UNC5D: variants seen among roughly 807,000 people sequenced by gnomAD.
The protein encoded by UNC5D is unc-5 netrin receptor D.
A neutral mutation model predicts 105.4 loss-of-function variants in UNC5D; 39 were observed. The ratio of observed to expected loss-of-function variants is 0.37; its 90% CI spans 0.29 to 0.48. The LOEUF (loss-of-function observed/expected upper bound fraction) is 0.48, where lower values mean the gene tolerates loss of function less well. Among genes scored for constraint, UNC5D ranks in the 20% least tolerant of loss-of-function variants. The pLI is 0.98. For missense variants in UNC5D, 991 were observed against 1,202.4 expected, an observed-to-expected ratio of 0.82 and a Z score of 2.60; for synonymous variants, 452 against 450.4, an observed-to-expected ratio of 1.00 and a Z score of -0.04.
At chr8:35,445,104 C>T (rs1807682293) in intron 1 of UNC5D, among the ~76,000 whole-genome samples, 1 of 151,794 alleles carries the variant, frequency 6.6e-6, no homozygotes, top group African/African-American at 2.4e-5. Flanking sequence ...ATCCATTATT[C>T]TGTTGGTATC....
chr8:35,610,434 T>C (rs1820594732), intron 4 of UNC5D, among the ~76,000 whole-genome samples: 1 of 152,158 alleles, frequency 6.6e-6, no homozygotes, highest in Admixed American at 6.6e-5. Context: ...TGCTATATAT[T>C]CTGTTCCTCT....
intron 1 of UNC5D, among the ~76,000 whole-genome samples, chr8:35,519,618 T>C (rs1453268430): frequency 6.6e-6 from 1 of 152,068 alleles, no homozygotes; most frequent in Non-Finnish European, 1.5e-5. Context: ...TTATTTCAAA[T>C]AGCAAAACAA....
chr8:35,456,735 T>A (rs1808522583), intron 1 of UNC5D, among the ~76,000 whole-genome samples: 2 of 152,176 alleles, frequency 1.3e-5, no homozygotes, highest in South Asian at 4.1e-4. Flanking sequence ...TTGTTAGAAG[T>A]CAAGAGTTGT....
intron 4 of UNC5D, among the ~76,000 whole-genome samples, chr8:35,598,337 A>G (rs1819619741): frequency 6.6e-6 from 1 of 152,192 alleles, no homozygotes; most frequent in Admixed American, 6.5e-5. Context: ...TCATTGCTGT[A>G]TCCTCAGAAC....
intron 7 of UNC5D, among the ~76,000 whole-genome samples, chr8:35,699,921 A>G (rs1827068226): frequency 6.6e-6 from 1 of 152,258 alleles, no homozygotes; most frequent in Admixed American, 6.5e-5. Flanking sequence ...TGCATTTTTA[A>G]TCACTGAAAT....
chr8:35,518,509 G>A (rs1192248284), intron 1 of UNC5D, among the ~76,000 whole-genome samples: 1 of 152,176 alleles, frequency 6.6e-6, no homozygotes, highest in East Asian at 1.9e-4. Context: ...TAGATAGATC[G>A]ATGGTCCCTT....
intron 4 of UNC5D, among the ~76,000 whole-genome samples, chr8:35,678,167 T>C (rs1825398103): frequency 6.6e-6 from 1 of 152,076 alleles, no homozygotes; most frequent in Non-Finnish European, 1.5e-5. Flanking sequence ...GCACCAAGCA[T>C]CTTGAGCATA....
chr8:35,533,962 G>A (rs1292039209), intron 1 of UNC5D, among the ~76,000 whole-genome samples: 1 of 152,158 alleles, frequency 6.6e-6, no homozygotes, highest in Non-Finnish European at 1.5e-5. Context: ...TCCCTAGTGA[G>A]ATAAACCCGG....
At chr8:35,768,102 T>G (rs1427146475) in intron 15 of UNC5D, among the ~76,000 whole-genome samples, 1 of 151,890 alleles carries the variant, frequency 6.6e-6, no homozygotes, top group African/African-American at 2.4e-5. Flanking sequence ...CAATTCAATT[T>G]CAAGGTTTTT....
At chr8:35,473,138 CA>C (rs1809855394) in intron 1 of UNC5D, among the ~76,000 whole-genome samples, 2 of 152,082 alleles carry the variant, frequency 1.3e-5, no homozygotes, top group Admixed American at 1.3e-4. Flanking sequence ...ACCTCAATTA[CA>C]AGGGAAGATG....
intron 1 of UNC5D, among the ~76,000 whole-genome samples, chr8:35,448,522 C>T (rs1203418823): frequency 6.6e-6 from 1 of 152,076 alleles, no homozygotes; most frequent in African/African-American, 2.4e-5. Context: ...TCAGCAGCAC[C>T]TGGGAGTGAT....
rs140994194 is a variant in UNC5D, at chr8:35,251,220, T to C, written c.103+15333T>C. Among the ~76,000 whole-genome samples, 6 of 152,224 alleles carry C rather than the reference T, an allele frequency of 3.9e-5. No individual in the cohort carries two copies. In the East Asian group the frequency reaches 1.2e-3, roughly 30 times the overall value. On this transcript the variant is annotated intron_variant, in intron 1 of 16. Transcript: ENST00000404895. The stretch of plus-strand genomic sequence containing the variant: ...GGAAAGATATTTAATTGACTCACAG[T>C]TCAACATGGCTGGGTAGGCCCTAGG...
At chr8:35,558,409 A>G (rs1249355753) in intron 2 of UNC5D, among the ~76,000 whole-genome samples, 1 of 152,214 alleles carries the variant, frequency 6.6e-6, no homozygotes, top group Non-Finnish European at 1.5e-5. Context: ...TGATGGTATT[A>G]ATAAAAATAA....
intron 1 of UNC5D, among the ~76,000 whole-genome samples, chr8:35,540,205 T>G (rs1241830355): frequency 1.3e-5 from 2 of 152,200 alleles, no homozygotes; most frequent in Non-Finnish European, 2.9e-5. Flanking sequence ...GGGGGAGGAA[T>G]TAAACAATTT....
At chr8:35,497,628 G>C (rs920910874) in intron 1 of UNC5D, among the ~76,000 whole-genome samples, 1 of 151,164 alleles carries the variant, frequency 6.6e-6, no homozygotes, top group African/African-American at 2.4e-5. Flanking sequence ...TTTACAAATG[G>C]TAATGGAAGC....
chr8:35,505,263 G>T (rs918258497), intron 1 of UNC5D, among the ~76,000 whole-genome samples: 4 of 152,190 alleles, frequency 2.6e-5, no homozygotes, highest in African/African-American at 9.7e-5. Flanking sequence ...ATGTGGCAAG[G>T]CTTAATGCAG....
At chr8:35,686,972 A>C in intron 7 of UNC5D, among the ~76,000 whole-genome samples, 1 of 152,212 alleles carries the variant, frequency 6.6e-6, no homozygotes, top group East Asian at 1.9e-4. Flanking sequence ...AGTAAGAAAA[A>C]ATAGTTAAGA....
In UNC5D at chr8:35,794,907, T is replaced by C. The variant is rs1010348441; in HGVS notation, c.*4344T>C. On this transcript the variant is annotated 3_prime_UTR_variant, in exon 17 of 17. Coordinates refer to ENST00000404895, the MANE Select transcript of UNC5D (RefSeq NM_080872.4). Reference sequence around the variant, plus strand: ...GAAATCAGACCTGGCCGTTAGTCACTAGTGTGTAGTACCGTGATCTGAAGT... The same window carrying C: ...GAAATCAGACCTGGCCGTTAGTCACCAGTGTGTAGTACCGTGATCTGAAGT... 1 of 152,190 alleles carries C rather than the reference T, an allele frequency of 6.6e-6. No individual in the cohort carries two copies. Among genetic ancestry groups the C allele is most frequent in the Non-Finnish European group, 1.5e-5 (1 of 68,048 alleles). The allele number at this position is 152,190 out of a possible 1,614,324, so 9.4% of individuals were successfully genotyped here.
intron 1 of UNC5D, among the ~76,000 whole-genome samples, chr8:35,376,903 CAT>C (rs1293381978): frequency 6.6e-6 from 1 of 152,192 alleles, no homozygotes. Context: ...CAGCAAAAGT[CAT>C]ATCTTTTTCA....
Sources: allele counts gnomAD v4.1 joint callset (sites outside exome capture counted in the v4.1 genomes callset), GRCh38; gene constraint gnomAD v4.1.1; transcripts MANE v1.5; gene names NCBI Gene and HGNC (gene_info 2026-07-23, HGNC 2026-07-21).